Variants in DSCAM observed in about 807,000 individuals in gnomAD.
The protein encoded by DSCAM is cell adhesion molecule DSCAM.
In DSCAM, 47 loss-of-function variants were observed where a neutral mutation model predicts 217.7. The ratio of observed to expected loss-of-function variants is 0.22; its 90% CI spans 0.17 to 0.28. DSCAM has a LOEUF of 0.28. Ranked by LOEUF, DSCAM falls within the 10% of genes least tolerant of loss-of-function variation. The pLI is 1.00. For missense variants in DSCAM, 2,080 were observed against 2,618.3 expected (o/e 0.79, Z 4.49); for synonymous variants, 1,056 against 1,015.3 (o/e 1.04, Z -0.76).
chr21:40,244,115 T>C (rs1209915943), intron 11 of DSCAM, among the ~76,000 whole-genome samples: 1 of 152,208 alleles, frequency 6.6e-6, no homozygotes, highest in Non-Finnish European at 1.5e-5. Context: ...ACTAATATCT[T>C]ATGACTTTTA....
chr21:40,711,395 T>C (rs534472265), intron 1 of DSCAM, among the ~76,000 whole-genome samples: 9 of 152,348 alleles, frequency 5.9e-5, no homozygotes, highest in South Asian at 2.1e-4. Flanking sequence ...ACAAAGGTGA[T>C]TGGACTCATC....
intron 1 of DSCAM, among the ~76,000 whole-genome samples, chr21:40,767,615 C>A (rs1569026799): frequency 6.6e-6 from 1 of 152,204 alleles, no homozygotes; most frequent in Non-Finnish European, 1.5e-5. Context: ...AAAGTATCAG[C>A]CTGTCGTATA....
intron 10 of DSCAM, among the ~76,000 whole-genome samples, chr21:40,293,779 C>G (rs371302746): frequency 1.3e-5 from 2 of 151,810 alleles, no homozygotes; most frequent in African/African-American, 4.8e-5. Context: ...GAGCTGAGAT[C>G]GCACCACTGC....
intron 3 of DSCAM, among the ~76,000 whole-genome samples, chr21:40,579,631 T>C (rs1431036719): frequency 2.0e-5 from 3 of 152,158 alleles, no homozygotes; most frequent in African/African-American, 4.8e-5. Context: ...CAGAGAAATA[T>C]ATTCCAACCT....
chr21:40,723,200 A>G (rs2090920826), intron 1 of DSCAM, among the ~76,000 whole-genome samples: 1 of 152,044 alleles, frequency 6.6e-6, no homozygotes. Flanking sequence ...GTGAGTAGAA[A>G]AAATCCAATG....
intron 3 of DSCAM, among the ~76,000 whole-genome samples, chr21:40,372,910 A>T (rs1320815479): frequency 6.6e-6 from 1 of 152,208 alleles, no homozygotes; most frequent in East Asian, 1.9e-4. Context: ...GTGTCAGTTC[A>T]GTCAGCCTGG....
chr21:40,555,467 G>A (rs1006229479), intron 3 of DSCAM, among the ~76,000 whole-genome samples: 6 of 152,094 alleles, frequency 3.9e-5, no homozygotes, highest in Non-Finnish European at 8.8e-5. Context: ...TATCAAGATC[G>A]AGTAATGATA....
intron 3 of DSCAM, among the ~76,000 whole-genome samples, chr21:40,422,053 G>A (rs1411436591): frequency 6.6e-6 from 1 of 152,198 alleles, no homozygotes; most frequent in Non-Finnish European, 1.5e-5. Flanking sequence ...ACTTAGACAA[G>A]GGATGGCAAT....
At chr21:40,613,767 G>C (rs1008819840) in intron 3 of DSCAM, among the ~76,000 whole-genome samples, 4 of 151,106 alleles carry the variant, frequency 2.6e-5, no homozygotes, top group Non-Finnish European at 5.9e-5. Context: ...TCACCACAGG[G>C]AATCTCATGC....
At chr21:40,736,596 C>G (rs1026067971) in intron 1 of DSCAM, among the ~76,000 whole-genome samples, 36 of 152,168 alleles carry the variant, frequency 2.4e-4, no homozygotes, top group African/African-American at 7.5e-4. Context: ...GTGCAGCCCC[C>G]CATCCTGAAG....
chr21:40,732,115 C>T (rs1478565440), intron 1 of DSCAM, among the ~76,000 whole-genome samples: 1 of 152,130 alleles, frequency 6.6e-6, no homozygotes, highest in Admixed American at 6.5e-5. Flanking sequence ...TTGGGGGATA[C>T]CATTCAACCC....
intron 3 of DSCAM, among the ~76,000 whole-genome samples, chr21:40,673,608 C>A (rs2090302701): frequency 6.6e-6 from 1 of 152,094 alleles, no homozygotes; most frequent in Non-Finnish European, 1.5e-5. Flanking sequence ...GAACTGTAAT[C>A]CCTAATGTTG....
intron 32 of DSCAM, among the ~76,000 whole-genome samples, chr21:40,039,748 T>G (rs992821743): frequency 6.6e-6 from 1 of 152,196 alleles, no homozygotes; most frequent in Non-Finnish European, 1.5e-5. Context: ...TCTGGCCAAA[T>G]TCATGTAACT....
At chr21:40,598,497 G>GTTTTTT (rs71186947) in intron 3 of DSCAM, among the ~76,000 whole-genome samples, 76 of 66,814 alleles carry the variant, frequency 1.1e-3, no homozygotes, top group East Asian at 2.1e-3. Context: ...CTGCCAAACT[G>GTTTTTT]TTTTTTTTTT....
chr21:40,553,953 CAA>C (rs1157241358), intron 3 of DSCAM, among the ~76,000 whole-genome samples: 3 of 152,008 alleles, frequency 2.0e-5, no homozygotes, highest in Non-Finnish European at 4.4e-5. Context: ...GAGGAGGAAA[CAA>C]AAAATCCCAG....
At chr21:40,484,111 A>C (rs1031118782) in intron 3 of DSCAM, among the ~76,000 whole-genome samples, 17 of 152,178 alleles carry the variant, frequency 1.1e-4, no homozygotes, top group Non-Finnish European at 2.2e-4. Context: ...AAACTCATCT[A>C]ATCTTCAGCA....
At chr21:40,147,303 T>C (rs915269565) in intron 16 of DSCAM, among the ~76,000 whole-genome samples, 2 of 152,156 alleles carry the variant, frequency 1.3e-5, no homozygotes, top group Non-Finnish European at 2.9e-5. Flanking sequence ...ATGTAGTTCC[T>C]CCAGTTTGGG....
At chr21:40,287,244 G>T in intron 10 of DSCAM, among the ~76,000 whole-genome samples, 1 of 151,530 alleles carries the variant, frequency 6.6e-6, no homozygotes, top group Non-Finnish European at 1.5e-5. Context: ...CAGGTGATCT[G>T]CAGTGTGAGC....
intron 11 of DSCAM, among the ~76,000 whole-genome samples, chr21:40,207,556 A>C (rs1280498721): frequency 6.6e-6 from 1 of 152,252 alleles, no homozygotes; most frequent in East Asian, 1.9e-4. Flanking sequence ...TTGCAATCTT[A>C]TTGATTATAG....
Sources: gnomAD v4.1 joint callset for allele counts (sites outside exome capture counted in the v4.1 genomes callset) on GRCh38, gnomAD v4.1.1 for gene constraint, MANE v1.5 for transcripts, NCBI Gene and HGNC (gene_info 2026-07-23, HGNC 2026-07-21) for gene names.